Variants in SCAF8 observed in about 807,000 individuals in gnomAD.
The protein encoded by SCAF8 is SR-related CTD associated factor 8, also known as SR-related and CTD-associated factor 8.
In SCAF8, 23 loss-of-function variants were observed where a neutral mutation model predicts 140.5. The observed-to-expected ratio is 0.16, with a 90% confidence interval of 0.12 to 0.23. SCAF8 has a LOEUF of 0.23. Among genes scored for constraint, SCAF8 ranks in the 10% least tolerant of loss-of-function variants. SCAF8 has a pLI of 1.00. For synonymous variants in SCAF8, 575 were observed against 528.9 expected (o/e 1.09, Z -1.20); for missense variants, 1,397 against 1,555.7 (o/e 0.90, Z 1.72).
chr6:154,802,298 C>T (rs1380476358), intron 7 of SCAF8, 151 bp downstream of exon 7: 6 of 505,538 alleles, frequency 1.2e-5, no homozygotes, highest in African/African-American at 2.0e-5. Flanking sequence ...AAGGTTCAAA[C>T]TTCTGAAAAA....
At chr6:154,810,258 A>G (rs138152831) in intron 12 of SCAF8, 50 bp downstream of exon 12, 1 of 1,366,388 alleles carries the variant, frequency 7.3e-7, no homozygotes, top group Non-Finnish European at 1.0e-6. Context: ...TATTTAAAAA[A>G]TAGTTATCTG....
intron 6 of SCAF8, among the ~76,000 whole-genome samples, chr6:154,798,772 G>A (rs1023637537): frequency 6.6e-6 from 1 of 151,182 alleles, no homozygotes; most frequent in African/African-American, 2.4e-5. Flanking sequence ...GTGGCTCCCT[G>A]TCTCACTCAG....
intron 3 of SCAF8, among the ~76,000 whole-genome samples, chr6:154,778,425 G>T (rs974962066): frequency 6.6e-6 from 1 of 152,142 alleles, no homozygotes; most frequent in African/African-American, 2.4e-5. Context: ...ATGTCATTGA[G>T]TTCTTTTTTC....
Position 154,820,331 on chromosome 6 carries a change from C to T in SCAF8, c.1790C>T (p.Thr597Ile). ...GGMIDQETVNTEWETVKSSEP... is the reference protein window; with the variant it reads ...GGMIDQETVNIEWETVKSSEP... ...ATGATTGATCAGGAGACTGTAAATA[C>T]TGGTAAGAATTCTAAGGTCTTTTTA... Residue 597 changes from threonine to isoleucine, a missense_variant and splice_region_variant, in exon 15 of 20, where the codon ACT becomes ATT. Physicochemically the swap from Thr to Ile is moderately conservative, Grantham distance 89. Transcript: ENST00000367178. 1 of 1,602,464 alleles carries T rather than the reference C, an allele frequency of 6.2e-7. No homozygotes were observed. The highest frequency in any genetic ancestry group is 8.5e-7 in the Non-Finnish European group (1 of 1,176,412).
At chr6:154,765,945 A>G (rs959165840) in intron 1 of SCAF8, among the ~76,000 whole-genome samples, 1 of 152,144 alleles carries the variant, frequency 6.6e-6, no homozygotes, top group Non-Finnish European at 1.5e-5. Context: ...AAAATCATAT[A>G]ACTTTTGACT....
chr6:154,767,429 G>T (rs1776609542), intron 1 of SCAF8, among the ~76,000 whole-genome samples: 1 of 151,260 alleles, frequency 6.6e-6, no homozygotes, highest in African/African-American at 2.4e-5. Flanking sequence ...AACCTGTTCA[G>T]GGAGATACTC....
intron 12 of SCAF8, among the ~76,000 whole-genome samples, chr6:154,812,176 C>CTTTTTT (rs67493657): frequency 9.4e-6 from 1 of 106,404 alleles, no homozygotes; most frequent in Non-Finnish European, 1.8e-5. Context: ...AAGATACTGC[C>CTTTTTT]TTTTTTTTTT....
At chr6:154,766,041 A>G (rs12198398) in intron 1 of SCAF8, among the ~76,000 whole-genome samples, 7,128 of 150,528 alleles carry the variant, frequency 0.047, 234 homozygotes, top group Non-Finnish European at 0.075. Context: ...TATATGTTAT[A>G]TATATTATAT....
At position 154,833,247 on chromosome 6, in the gene SCAF8, C is replaced by G; in HGVS notation, c.3668C>G (p.Ala1223Gly). The stretch of plus-strand genomic sequence containing the variant: ...AATGGTGAAAATACAGAGAGACATG[C>G]TCAGCCACCACCTATACCAGTACAG... ...QVNGENTERH[A>G]QPPPIPVQND... The change falls in exon 20 of 20, where the codon GCT becomes GGT. Residue 1223 changes from alanine (A) to glycine (G), a missense_variant. By Grantham distance (60) the Ala-to-Gly change is moderately conservative. This residue lies in a region of SCAF8 where 930 missense variants were observed against 874.6 expected (regional missense o/e 1.06). Transcript: ENST00000367178. 1 of 1,614,046 alleles carries G rather than the reference C, an allele frequency of 6.2e-7. No individual in the cohort carries two copies. The highest frequency in any genetic ancestry group is 2.2e-5 in the East Asian group (1 of 44,844).
At chr6:154,748,615 A>T (rs949243358) in intron 1 of SCAF8, among the ~76,000 whole-genome samples, 1 of 152,194 alleles carries the variant, frequency 6.6e-6, no homozygotes, top group African/African-American at 2.4e-5. Context: ...TTTCTTTAAC[A>T]TCAAGAAATA....
rs569934704 is a variant in SCAF8 at position 154,739,888 on chromosome 6, G to A, written c.30+5958G>A. On this transcript the variant is annotated intron_variant, in intron 1 of 19. Coordinates refer to ENST00000367178, the MANE Select transcript of SCAF8 (RefSeq NM_014892.5). Reference sequence around the variant, plus strand: ...TTGGTAGAGAAAAGTGGAAAAGGTAGAGGGAATAATATAAACATGTGAAAT... The same window carrying A: ...TTGGTAGAGAAAAGTGGAAAAGGTAAAGGGAATAATATAAACATGTGAAAT... Among the ~76,000 whole-genome samples the A allele has an allele frequency of 5.8e-4, 88 of 152,336 alleles. No homozygotes were observed. The Middle Eastern group carries it at 0.017, about 29-fold the overall frequency.
intron 12 of SCAF8, among the ~76,000 whole-genome samples, chr6:154,811,730 G>A (rs532253508): frequency 4.1e-5 from 4 of 98,298 alleles, no homozygotes; most frequent in East Asian, 3.1e-4. Context: ...GATGCTCCCC[G>A]CCCTGTGTCC....
intron 1 of SCAF8, among the ~76,000 whole-genome samples, chr6:154,761,345 G>T (rs112229204): frequency 1.3e-5 from 2 of 152,114 alleles, no homozygotes; most frequent in African/African-American, 4.8e-5. Context: ...AATTTGCTGG[G>T]CATAGTGGCG....
chr6:154,779,904 CCT>C (rs1777036106), intron 3 of SCAF8, among the ~76,000 whole-genome samples: 1 of 151,946 alleles, frequency 6.6e-6, no homozygotes, highest in Non-Finnish European at 1.5e-5. Context: ...TCAGTTTCCC[CCT>C]GTGGTAACGT....
At chr6:154,801,444 G>A (rs559464476) in intron 6 of SCAF8, among the ~76,000 whole-genome samples, 3 of 151,432 alleles carry the variant, frequency 2.0e-5, no homozygotes, top group East Asian at 3.9e-4. Flanking sequence ...TCTCACTGTT[G>A]TGTCTGTTTT....
At chr6:154,796,037 A>T (rs576782533) in intron 6 of SCAF8, among the ~76,000 whole-genome samples, 1 of 152,136 alleles carries the variant, frequency 6.6e-6, no homozygotes, top group South Asian at 2.1e-4. Context: ...GTAACTAATG[A>T]TAATTCTGTG....
chr6:154,735,711 A>T (rs1267422384), intron 1 of SCAF8, among the ~76,000 whole-genome samples: 1 of 151,848 alleles, frequency 6.6e-6, no homozygotes, highest in Non-Finnish European at 1.5e-5. Context: ...ATGGGGTTTC[A>T]CCATGTTGGC....
At chr6:154,761,013 G>C (rs1776377177) in intron 1 of SCAF8, among the ~76,000 whole-genome samples, 1 of 151,948 alleles carries the variant, frequency 6.6e-6, no homozygotes, top group South Asian at 2.1e-4. Flanking sequence ...TGCTGTGCAG[G>C]CTTGTCTTGA....
At chr6:154,831,414 T>C (rs1432670530) in intron 19 of SCAF8, among the ~76,000 whole-genome samples, 1 of 152,026 alleles carries the variant, frequency 6.6e-6, no homozygotes, top group African/African-American at 2.4e-5. Flanking sequence ...GTTGTCAAAA[T>C]AATACTGCAC....
Sources: allele counts gnomAD v4.1 joint callset (sites outside exome capture counted in the v4.1 genomes callset), GRCh38; gene constraint gnomAD v4.1.1; regional missense constraint gnomAD v4.1.1; transcripts MANE v1.5; gene names NCBI Gene and HGNC (gene_info 2026-07-23, HGNC 2026-07-21).